Variants in MYO16 observed in about 807,000 individuals in gnomAD.
MYO16 encodes myosin XVI, also known as unconventional myosin-XVI.
MYO16 carries 94 observed loss-of-function variants against 205.3 expected under a neutral mutation model. That is an observed-to-expected ratio of 0.46 (90% CI 0.39 to 0.54). The LOEUF (loss-of-function observed/expected upper bound fraction) is 0.54, where lower values mean the gene tolerates loss of function less well. Among genes scored for constraint, MYO16 ranks in the 20% least tolerant of loss-of-function variants. The pLI is 0.00. For synonymous variants in MYO16, 988 were observed against 954.0 expected (o/e 1.04, Z -0.66); for missense variants, 2,315 against 2,387.5 (o/e 0.97, Z 0.63).
intron 27 of MYO16, among the ~76,000 whole-genome samples, chr13:109,100,359 T>C (rs1236855411): frequency 6.6e-6 from 1 of 152,210 alleles, no homozygotes; most frequent in Non-Finnish European, 1.5e-5. Flanking sequence ...GTTTTGGTAT[T>C]CCATTATTAT....
chr13:108,687,168 A>G (rs1363633722), intron 2 of MYO16, among the ~76,000 whole-genome samples: 1 of 152,250 alleles, frequency 6.6e-6, no homozygotes, highest in East Asian at 1.9e-4. Flanking sequence ...ATATGGATTT[A>G]TGTTAAGCAT....
chr13:109,100,691 T>G, intron 27 of MYO16, 94 bp from the exon 28 acceptor site: 1 of 965,302 alleles, frequency 1.0e-6, no homozygotes, highest in South Asian at 1.6e-5. Flanking sequence ...CGGGGAAACT[T>G]TTGGGAAACG....
At chr13:108,591,500 G>A (rs1005005360), upstream of MYO16, among the ~76,000 whole-genome samples, 3 of 151,602 alleles carry the variant, frequency 2.0e-5, no homozygotes, top group African/African-American at 7.3e-5. Flanking sequence ...TTCATTTTGA[G>A]TGCCAGGCTT....
In MYO16 at chr13:109,164,965, G is replaced by A. The variant is rs958848145; in HGVS notation, c.5229G>A (p.Glu1743=). ...CTAGTACGTCAGAAATTACTTCCGA[G>A]ACTCAAGACAGAAATGCAAATAACC... ...DDPSTSEITS[E]TQDRNANNHG... is the part of the protein sequence containing the mutation. The change falls in exon 33 of 35, where the codon GAG becomes GAA. Residue 1743 remains glutamate, a synonymous_variant. Transcript: ENST00000457511. 3.1e-6 allele frequency: 5 copies of A among 1,608,692 alleles called. No homozygotes were observed. The highest frequency in any genetic ancestry group is 3.4e-6 in the Non-Finnish European group (4 of 1,176,830).
chr13:108,901,837 T>A lies in MYO16; in HGVS notation c.1777+3704T>A, dbSNP rs115775200. Reference sequence around the variant, plus strand: ...CAAAGTAACAAAGCTAGTGCTGAGATTGCATTCGTAGAAGTCTACCACCTA... The same window carrying A: ...CAAAGTAACAAAGCTAGTGCTGAGAATGCATTCGTAGAAGTCTACCACCTA... On this transcript the variant is annotated intron_variant, in intron 15 of 34. Coordinates refer to ENST00000457511, the MANE Select transcript of MYO16 (RefSeq NM_001198950.3). 8.7e-3 allele frequency among the ~76,000 whole-genome samples: 1,323 copies of A among 152,270 alleles called. 30 individuals carry two copies. The highest frequency in any genetic ancestry group is 0.031 in the African/African-American group (1,276 of 41,540).
intron 11 of MYO16, among the ~76,000 whole-genome samples, chr13:108,860,405 T>G (rs1878396542): frequency 6.6e-6 from 1 of 152,198 alleles, no homozygotes; most frequent in Non-Finnish European, 1.5e-5. Flanking sequence ...TTATCCAATC[T>G]GTCATTTATG....
At chr13:108,495,716 G>C in the MYO16 span, among the ~76,000 whole-genome samples, 1 of 150,640 alleles carries the variant, frequency 6.6e-6, no homozygotes, top group East Asian at 2.0e-4. Flanking sequence ...GCTGCGGGTC[G>C]CAGAGGCGGG....
At chr13:108,912,105 T>G (rs1881293518) in intron 16 of MYO16, among the ~76,000 whole-genome samples, 1 of 152,120 alleles carries the variant, frequency 6.6e-6, no homozygotes, top group Admixed American at 6.5e-5. Context: ...ATGGAGCCAA[T>G]GTGAGGCTGA....
chr13:108,574,712 C>A, the MYO16 span, among the ~76,000 whole-genome samples: 1 of 101,984 alleles, frequency 9.8e-6, no homozygotes, highest in Non-Finnish European at 2.0e-5. Context: ...TGTGTGTGCG[C>A]TTGTGTGTAT....
intron 23 of MYO16, among the ~76,000 whole-genome samples, chr13:109,023,601 GTACATATT>G (rs1886207838): frequency 8.3e-6 from 1 of 120,836 alleles, no homozygotes; most frequent in African/African-American, 3.2e-5. Flanking sequence ...AAATATAAAT[GTACATATT>G]TATATATACA....
chr13:109,172,247 G>A (rs1878953021), intron 33 of MYO16, among the ~76,000 whole-genome samples: 2 of 152,122 alleles, frequency 1.3e-5, no homozygotes. Context: ...CTGACTGAAA[G>A]CCTAACAGCC....
At chr13:108,842,138 A>G (rs115817703) in intron 9 of MYO16, among the ~76,000 whole-genome samples, 2,047 of 152,236 alleles carry the variant, frequency 0.013, 39 homozygotes, top group African/African-American at 0.045. Flanking sequence ...AAGCTCCTCA[A>G]CAACTTTTGT....
chr13:109,100,905 T>A lies in MYO16; in HGVS notation c.3438+18T>A. The A allele has an allele frequency of 6.3e-7, 1 of 1,592,804 alleles. No individual in the cohort carries two copies. The highest frequency in any genetic ancestry group is 8.6e-7 in the Non-Finnish European group (1 of 1,161,560). On this transcript the variant is annotated intron_variant, in intron 28 of 34. Coordinates refer to ENST00000457511, the MANE Select transcript of MYO16 (RefSeq NM_001198950.3). Reference sequence around the variant, plus strand: ...GCTGGCAGGTTGGTGACCTACAAGCTATGAAAATAACATTTTAGGATTTTA... The same window carrying A: ...GCTGGCAGGTTGGTGACCTACAAGCAATGAAAATAACATTTTAGGATTTTA...
chr13:108,595,087 T>C (rs1878508121), upstream of MYO16, among the ~76,000 whole-genome samples: 1 of 152,234 alleles, frequency 6.6e-6, no homozygotes, highest in Admixed American at 6.5e-5. Context: ...CATGGGTATT[T>C]TGACTCTCTG....
chr13:108,627,133 C>A (rs2139346028), upstream of MYO16, among the ~76,000 whole-genome samples: 1 of 151,406 alleles, frequency 6.6e-6, no homozygotes, highest in Non-Finnish European at 1.5e-5. Flanking sequence ...TTAATGGAAC[C>A]AAAATTATTT....
intron 4 of MYO16, among the ~76,000 whole-genome samples, chr13:108,732,565 G>T (rs1048341511): frequency 6.6e-6 from 1 of 152,170 alleles, no homozygotes; most frequent in African/African-American, 2.4e-5. Context: ...CAGCACAGCT[G>T]CAGTGAAGTG....
At chr13:108,542,407 C>T in the MYO16 span, among the ~76,000 whole-genome samples, 350 of 152,130 alleles carry the variant, frequency 2.3e-3, 2 homozygotes, top group African/African-American at 8.0e-3. Flanking sequence ...GTAAACCAAC[C>T]CCCAACCCCC....
intron 27 of MYO16, among the ~76,000 whole-genome samples, chr13:109,057,013 G>A (rs986070644): frequency 2.0e-5 from 3 of 152,118 alleles, no homozygotes; most frequent in Non-Finnish European, 4.4e-5. Context: ...CTAGTTCAAT[G>A]TGAGCCACTA....
At chr13:108,637,450 A>G (rs534702836) in intron 1 of MYO16, among the ~76,000 whole-genome samples, 1 of 152,362 alleles carries the variant, frequency 6.6e-6, no homozygotes, top group South Asian at 2.1e-4. Context: ...AGACCTGGAT[A>G]GATTAAGTCA....
Sources: gnomAD v4.1 joint callset for allele counts (sites outside exome capture counted in the v4.1 genomes callset) on GRCh38, gnomAD v4.1.1 for gene constraint, MANE v1.5 for transcripts, NCBI Gene and HGNC (gene_info 2026-07-23, HGNC 2026-07-21) for gene names.